The following ENTREP2 variants were observed in gnomAD, a reference collection of about 807,000 sequenced individuals.
ENTREP2 encodes protein ENTREP2.
At chr15:29,323,045 CAG>C in the ENTREP2 span, among the ~76,000 whole-genome samples, 5 of 152,320 alleles carry the variant, frequency 3.3e-5, no homozygotes, top group African/African-American at 1.2e-4. Context: ...AAGAAGGAAA[CAG>C]AGAATACTCA....
At chr15:29,293,477 C>T in the ENTREP2 span, among the ~76,000 whole-genome samples, 3 of 151,594 alleles carry the variant, frequency 2.0e-5, no homozygotes, top group East Asian at 5.8e-4. Context: ...AGGATGGTCT[C>T]GATCTCCTGA....
chr15:29,228,027 C>G, the ENTREP2 span, among the ~76,000 whole-genome samples: 1 of 152,116 alleles, frequency 6.6e-6, no homozygotes, highest in Non-Finnish European at 1.5e-5. Flanking sequence ...TGAAAGATGC[C>G]AGACACAAAA....
At chr15:29,578,068 T>C in the ENTREP2 span, among the ~76,000 whole-genome samples, 1 of 152,190 alleles carries the variant, frequency 6.6e-6, no homozygotes, top group South Asian at 2.1e-4. Flanking sequence ...CTTAAATTTG[T>C]TAAAATGGTA....
At chr15:29,553,550 C>G in the ENTREP2 span, among the ~76,000 whole-genome samples, 6,589 of 152,258 alleles carry the variant, frequency 0.043, 489 homozygotes, top group African/African-American at 0.15. Context: ...TGTCCCCTCC[C>G]CTTAAATGCT....
chr15:29,593,910 G>A, the ENTREP2 span, among the ~76,000 whole-genome samples: 2 of 152,264 alleles, frequency 1.3e-5, no homozygotes, highest in African/African-American at 4.8e-5. Context: ...ATACACACAA[G>A]TAAGTACTAT....
At chr15:29,444,834 A>G in the ENTREP2 span, among the ~76,000 whole-genome samples, 1 of 152,170 alleles carries the variant, frequency 6.6e-6, no homozygotes, top group Non-Finnish European at 1.5e-5. Context: ...ATGGCTAGAG[A>G]GGCTCCACAG....
chr15:29,383,434 C>T, the ENTREP2 span, among the ~76,000 whole-genome samples: 78 of 152,340 alleles, frequency 5.1e-4, 2 homozygotes, highest in South Asian at 0.016. Flanking sequence ...GAGGCTAAGG[C>T]TCACTCAACA....
At chr15:29,488,213 T>G in the ENTREP2 span, among the ~76,000 whole-genome samples, 6,656 of 152,168 alleles carry the variant, frequency 0.044, 485 homozygotes, top group African/African-American at 0.15. Context: ...AATAAGTGAA[T>G]TGAAATAAAG....
the ENTREP2 span, among the ~76,000 whole-genome samples, chr15:29,529,175 C>G: frequency 3.6e-4 from 1 of 2,762 alleles, no homozygotes; most frequent in Non-Finnish European, 6.6e-4. Flanking sequence ...CTCCCAAGAG[C>G]TGCAAGTGGC....
chr15:29,650,621 T>A, the ENTREP2 span, among the ~76,000 whole-genome samples: 1 of 151,274 alleles, frequency 6.6e-6, no homozygotes, highest in Non-Finnish European at 1.5e-5. Context: ...AAAAAAAAAA[T>A]TCTTGTTACC....
chr15:29,379,486 T>C, the ENTREP2 span, among the ~76,000 whole-genome samples: 2 of 152,132 alleles, frequency 1.3e-5, no homozygotes, highest in South Asian at 4.2e-4. Context: ...GGGAAGAAAT[T>C]AGTCCATGGA....
the ENTREP2 span, among the ~76,000 whole-genome samples, chr15:29,293,324 C>T: frequency 2.6e-5 from 4 of 152,156 alleles, no homozygotes; most frequent in African/African-American, 9.6e-5. Flanking sequence ...AATCTCGGCT[C>T]ACTGCAAGCT....
the ENTREP2 span, among the ~76,000 whole-genome samples, chr15:29,452,219 A>C: frequency 8.5e-5 from 13 of 152,154 alleles, no homozygotes; most frequent in African/African-American, 2.9e-4. Flanking sequence ...CTGCTTTCTC[A>C]GCAGCACTGG....
chr15:29,132,113 CTT>C, the ENTREP2 span, among the ~76,000 whole-genome samples: 1 of 152,194 alleles, frequency 6.6e-6, no homozygotes, highest in Non-Finnish European at 1.5e-5. Flanking sequence ...AGCCTCCTCT[CTT>C]TATCCAAACT....
At chr15:29,608,883 C>T in the ENTREP2 span, among the ~76,000 whole-genome samples, 1 of 152,128 alleles carries the variant, frequency 6.6e-6, no homozygotes, top group Non-Finnish European at 1.5e-5. Context: ...TGCCTTCTTA[C>T]TGTGGGCACC....
chr15:29,144,136 A>T, the ENTREP2 span, among the ~76,000 whole-genome samples: 1 of 152,218 alleles, frequency 6.6e-6, no homozygotes, highest in East Asian at 1.9e-4. Context: ...CAAGACACAC[A>T]GATGCCAAGA....
At chr15:29,671,204 G>T in the ENTREP2 span, among the ~76,000 whole-genome samples, 1 of 152,186 alleles carries the variant, frequency 6.6e-6, no homozygotes, top group Non-Finnish European at 1.5e-5. Context: ...GACTCCATGC[G>T]GACAGAACCT....
the ENTREP2 span, chr15:29,269,373 T>A: frequency 1.3e-5 from 21 of 1,614,190 alleles, no homozygotes; most frequent in Non-Finnish European, 1.8e-5. Context: ...CGTGCTTCAG[T>A]ATGTCGGCCC....
chr15:29,502,804 A>G, the ENTREP2 span, among the ~76,000 whole-genome samples: 4 of 152,076 alleles, frequency 2.6e-5, no homozygotes, highest in African/African-American at 9.7e-5. Context: ...ATTTCTCGTA[A>G]GAAGATATAC....
Sources: gnomAD v4.1 joint callset for allele counts (sites outside exome capture counted in the v4.1 genomes callset) on GRCh38, gnomAD v4.1.1 for gene constraint, MANE v1.5 for transcripts, NCBI Gene and HGNC (gene_info 2026-07-23, HGNC 2026-07-21) for gene names.